ATP2C1: variants seen among roughly 807,000 people sequenced by gnomAD.
The protein encoded by ATP2C1 is ATPase secretory pathway Ca2+ transporting 1, also known as calcium-transporting ATPase type 2C member 1.
In ATP2C1, 31 loss-of-function variants were observed where a neutral mutation model predicts 120.5. The observed-to-expected ratio is 0.26, with a 90% confidence interval of 0.19 to 0.35. ATP2C1 has a LOEUF of 0.35. ATP2C1 is among the 10% of genes least tolerant of loss of function. The pLI, the probability that ATP2C1 is intolerant of heterozygous loss-of-function variation, is 1.00. For missense variants in ATP2C1, 731 were observed against 1,107.5 expected (o/e 0.66, Z 4.83); for synonymous variants, 351 against 358.7 (o/e 0.98, Z 0.24).
rs149202818 is a variant in ATP2C1, at chr3:131,002,105, C to T, written c.*755C>T. ...CTAGGGTAACAGTGTCCATAATTAA[C>T]GCTTAGTCATAGAGTCAAAAACATT... On this transcript the variant is annotated 3_prime_UTR_variant, in exon 28 of 28. Coordinates refer to ENST00000510168, the MANE Select transcript of ATP2C1 (RefSeq NM_001378687.1). 1.0e-5 allele frequency: 10 copies of T among 985,370 alleles called. No individual in the cohort carries two copies. The highest frequency in any genetic ancestry group is 6.1e-5 in the Admixed American group (1 of 16,272). 61.0% of individuals were successfully genotyped at this position (985,370 alleles called of 1,614,324 possible). A position where few individuals can be genotyped will look rare whatever the true frequency, so the allele number is the denominator to read the frequency against.
chr3:130,996,956 C>A (rs1239479870), intron 24 of ATP2C1, among the ~76,000 whole-genome samples, 160 bp downstream of exon 24: 1 of 152,076 alleles, frequency 6.6e-6, no homozygotes, highest in Admixed American at 6.6e-5. Context: ...TTTATTAATT[C>A]TTTTTGAGTG....
intron 20 of ATP2C1, among the ~76,000 whole-genome samples, chr3:130,981,080 C>T (rs1003070142): frequency 6.6e-6 from 1 of 151,982 alleles, no homozygotes; most frequent in African/African-American, 2.4e-5. Flanking sequence ...AAAATTCGCC[C>T]ATTTTAGTGT....
intron 14 of ATP2C1, among the ~76,000 whole-genome samples, chr3:130,965,288 C>CA (rs1426896120): frequency 1.3e-5 from 2 of 152,026 alleles, no homozygotes; most frequent in Non-Finnish European, 2.9e-5. Context: ...TATCCATAAT[C>CA]AAATCCTACC....
chr3:131,014,420 A>G (rs2063490317), intron 26 of ATP2C1: 1 of 1,533,636 alleles, frequency 6.5e-7, no homozygotes, highest in Non-Finnish European at 8.7e-7. Flanking sequence ...ATGTTGTTAA[A>G]GAAGTAATTC....
intron 18 of ATP2C1, among the ~76,000 whole-genome samples, chr3:130,978,462 G>C (rs964631522): frequency 1.3e-5 from 2 of 152,048 alleles, no homozygotes; most frequent in Admixed American, 6.6e-5. Context: ...AATAAAAGTA[G>C]TTTCCGGAGT....
chr3:130,863,203 G>GA (rs1399961016), intron 1 of ATP2C1, among the ~76,000 whole-genome samples: 3 of 152,128 alleles, frequency 2.0e-5, no homozygotes, highest in African/African-American at 4.8e-5. Flanking sequence ...CAAACTCATT[G>GA]AATGAAGTAG....
chr3:130,926,676 A>G (rs2059220965), intron 2 of ATP2C1, among the ~76,000 whole-genome samples: 1 of 152,256 alleles, frequency 6.6e-6, no homozygotes, highest in South Asian at 2.1e-4. Flanking sequence ...TGTCACATGT[A>G]TGCAGGGATG....
upstream of ATP2C1, among the ~76,000 whole-genome samples, chr3:130,891,074 T>G (rs988586258): frequency 2.0e-5 from 3 of 152,150 alleles, no homozygotes; most frequent in Non-Finnish European, 4.4e-5. Context: ...CTCTGTCTCT[T>G]AAGTTAGTAA....
intron 22 of ATP2C1, among the ~76,000 whole-genome samples, chr3:130,994,648 C>CATTT (rs199539675): frequency 0.051 from 7,802 of 151,878 alleles, 272 homozygotes; most frequent in Middle Eastern, 0.11. Context: ...ATGTGAATCC[C>CATTT]ATTTATTTAT....
intron 5 of ATP2C1, among the ~76,000 whole-genome samples, chr3:130,935,474 A>T (rs78911762): frequency 0.029 from 4,383 of 152,268 alleles, 88 homozygotes; most frequent in Non-Finnish European, 0.045. Context: ...ATTTTTGTAT[A>T]AAAAATTTGT....
chr3:130,886,759 ATTTC>A (rs1156759001), intron 1 of ATP2C1, among the ~76,000 whole-genome samples: 1 of 152,128 alleles, frequency 6.6e-6, no homozygotes. Flanking sequence ...GTTATCTTGA[ATTTC>A]TTTGAGTTTT....
exon 27 of ATP2C1, chr3:131,016,443 A>T (rs528523182): frequency 6.7e-5 from 87 of 1,293,726 alleles, no homozygotes; most frequent in African/African-American, 5.1e-4. Context: ...AAATTAATTT[A>T]AAAAAACTAA....
chr3:130,978,512 T>C (rs2061622715), intron 18 of ATP2C1, among the ~76,000 whole-genome samples: 1 of 152,082 alleles, frequency 6.6e-6, no homozygotes, highest in South Asian at 2.1e-4. Flanking sequence ...ATTTGGGAAA[T>C]GAAAAGTACT....
intron 22 of ATP2C1, among the ~76,000 whole-genome samples, chr3:130,994,825 T>C (rs574473973): frequency 3.9e-5 from 6 of 152,158 alleles, no homozygotes; most frequent in Non-Finnish European, 8.8e-5. Flanking sequence ...GAGTTTTTTC[T>C]TTCCATTATT....
At chr3:130,968,351 G>C (rs2061146923) in intron 16 of ATP2C1, among the ~76,000 whole-genome samples, 1 of 152,110 alleles carries the variant, frequency 6.6e-6, no homozygotes, top group African/African-American at 2.4e-5. Context: ...TCACATTTTA[G>C]GTAGGGAATT....
At chr3:130,930,056 TTAAACG>T in intron 2 of ATP2C1, 1 of 354,366 alleles carries the variant, frequency 2.8e-6, no homozygotes, top group Non-Finnish European at 5.5e-6. Context: ...GTCTTGCATG[TTAAACG>T]TAATGAGTTT....
intron 20 of ATP2C1, among the ~76,000 whole-genome samples, chr3:130,982,098 A>G (rs2061794477): frequency 2.0e-5 from 3 of 152,134 alleles, no homozygotes; most frequent in Non-Finnish European, 4.4e-5. Context: ...TGCCTAACCC[A>G]GGTTCACAAA....
At chr3:131,011,703 C>T (rs1194999497) in intron 26 of ATP2C1, among the ~76,000 whole-genome samples, 1 of 152,218 alleles carries the variant, frequency 6.6e-6, no homozygotes, top group Non-Finnish European at 1.5e-5. Context: ...ATTCAGTCTG[C>T]ACTTTGCCAT....
chr3:130,952,064 C>T (rs541264304), intron 8 of ATP2C1, among the ~76,000 whole-genome samples: 1 of 152,264 alleles, frequency 6.6e-6, no homozygotes, highest in East Asian at 1.9e-4. Flanking sequence ...AATTATGGCC[C>T]AGCCTTGGAG....
Sources: allele counts gnomAD v4.1 joint callset (sites outside exome capture counted in the v4.1 genomes callset), GRCh38; gene constraint gnomAD v4.1.1; transcripts MANE v1.5; gene names NCBI Gene and HGNC (gene_info 2026-07-23, HGNC 2026-07-21).